The following TLN2 variants were observed in gnomAD, a reference collection of about 807,000 sequenced individuals.
The protein encoded by TLN2 is talin 2, also known as talin-2.
In TLN2, 118 loss-of-function variants were observed where a neutral mutation model predicts 294.7. The observed-to-expected ratio is 0.40, with a 90% CI of 0.34 to 0.47. The LOEUF is 0.47. Among genes scored for constraint, TLN2 ranks in the 20% least tolerant of loss-of-function variants. The pLI is 0.84. For missense variants in TLN2, 3,083 were observed against 3,282.2 expected (o/e 0.94, Z 1.48); for synonymous variants, 1,431 against 1,304.5 (o/e 1.10, Z -2.09).
At chr15:62,464,900 A>T (rs1345284484) in intron 1 of TLN2, among the ~76,000 whole-genome samples, 1 of 152,092 alleles carries the variant, frequency 6.6e-6, no homozygotes, top group East Asian at 1.9e-4. Context: ...CAGCATCTTG[A>T]TGATGATTTC....
At chr15:62,649,666 C>T (rs748290778) in intron 4 of TLN2, among the ~76,000 whole-genome samples, 1 of 152,132 alleles carries the variant, frequency 6.6e-6, no homozygotes, top group Non-Finnish European at 1.5e-5. Context: ...CATTTGTCCC[C>T]CTTTGCCTGA....
intron 1 of TLN2, among the ~76,000 whole-genome samples, chr15:62,587,129 G>C (rs2045674423): frequency 6.6e-6 from 1 of 152,156 alleles, no homozygotes; most frequent in Non-Finnish European, 1.5e-5. Flanking sequence ...GGAAATGAAT[G>C]GCAGCTGATT....
chr15:62,429,409 G>A (rs988369433), intron 1 of TLN2, among the ~76,000 whole-genome samples: 9 of 152,240 alleles, frequency 5.9e-5, no homozygotes, highest in East Asian at 1.9e-4. Context: ...TGTTAAGATC[G>A]TGTCTAGCCA....
chr15:62,703,415 G>A (rs1338444135), intron 19 of TLN2, among the ~76,000 whole-genome samples: 1 of 151,646 alleles, frequency 6.6e-6, no homozygotes, highest in East Asian at 1.9e-4. Flanking sequence ...TATTTTTTTT[G>A]TTAATGTGCT....
chr15:62,682,073 C>T (rs367765589), intron 11 of TLN2, among the ~76,000 whole-genome samples: 1 of 152,152 alleles, frequency 6.6e-6, no homozygotes, highest in Admixed American at 6.6e-5. Context: ...TTTAGATGAT[C>T]CCAGTCACTG....
At chr15:62,797,452 T>C (rs2065576788) in intron 48 of TLN2, 50 bp downstream of exon 48, 1 of 1,522,508 alleles carries the variant, frequency 6.6e-7, no homozygotes, top group Non-Finnish European at 8.7e-7. Context: ...CCGTGAACGC[T>C]GCACATCGGG....
chr15:62,662,822 G>GGTTT (rs2054021730), intron 9 of TLN2, among the ~76,000 whole-genome samples: 1 of 108,232 alleles, frequency 9.2e-6, no homozygotes, highest in African/African-American at 3.4e-5. Flanking sequence ...GATTGAGAGA[G>GGTTT]TTTTTTTTTT....
In TLN2 at chr15:62,451,705, G is replaced by C. The variant is rs371709015; in HGVS notation, c.-238+61020G>C. ...CCACAACCCTGATTACCTGGCCAGG[G>C]ATAGACCAGAACTGTGGTGAGGGAG... On this transcript the variant is annotated intron_variant, in intron 1 of 58. Coordinates refer to ENST00000636159, the MANE Select transcript of TLN2 (RefSeq NM_015059.3). Among the ~76,000 whole-genome samples the C allele has an allele frequency of 3.2e-4, 49 of 152,308 alleles. 1 individual carries two copies. Among genetic ancestry groups the C allele is most frequent in the African/African-American group, 1.2e-3 (48 of 41,576 alleles).
At chr15:62,505,855 G>A (rs2039590135) in intron 1 of TLN2, among the ~76,000 whole-genome samples, 1 of 152,160 alleles carries the variant, frequency 6.6e-6, no homozygotes, top group Admixed American at 6.5e-5. Context: ...AGGGGAAGGG[G>A]AGTGTCTGCC....
intron 16 of TLN2, among the ~76,000 whole-genome samples, chr15:62,700,466 C>T (rs1042597840): frequency 6.6e-6 from 1 of 152,032 alleles, no homozygotes; most frequent in Non-Finnish European, 1.5e-5. Context: ...ATTGAATTTC[C>T]ATGGTAGAAG....
At chr15:62,719,666 G>C in intron 24 of TLN2, 101 bp from the exon 25 acceptor site, 1 of 903,470 alleles carries the variant, frequency 1.1e-6, no homozygotes, top group South Asian at 1.9e-5. Flanking sequence ...TCCCCTGGGA[G>C]TAGATGGCAC....
At chr15:62,472,806 C>T (rs930933665) in intron 1 of TLN2, among the ~76,000 whole-genome samples, 11 of 152,218 alleles carry the variant, frequency 7.2e-5, no homozygotes, top group African/African-American at 2.2e-4. Flanking sequence ...CTTGAGCATT[C>T]GTTGAATGAG....
chr15:62,755,813 T>G, intron 37 of TLN2, 120 bp downstream of exon 37: 1 of 1,333,680 alleles, frequency 7.5e-7, no homozygotes, highest in Non-Finnish European at 1.0e-6. Context: ...TCTAATTCAG[T>G]CTTATGGTTT....
intron 1 of TLN2, among the ~76,000 whole-genome samples, chr15:62,546,119 G>C (rs889383150): frequency 2.0e-5 from 3 of 152,234 alleles, no homozygotes; most frequent in African/African-American, 7.2e-5. Flanking sequence ...GACACAGTGA[G>C]GCTGGCCTGC....
intron 2 of TLN2, among the ~76,000 whole-genome samples, chr15:62,598,084 T>C (rs909180159): frequency 6.6e-6 from 1 of 152,200 alleles, no homozygotes; most frequent in East Asian, 1.9e-4. Context: ...CCATCATTTA[T>C]TGAGGACTTG....
At chr15:62,499,489 C>G (rs2039191873) in intron 1 of TLN2, among the ~76,000 whole-genome samples, 1 of 152,148 alleles carries the variant, frequency 6.6e-6, no homozygotes, top group Non-Finnish European at 1.5e-5. Flanking sequence ...GGCTTGAAAC[C>G]AAGCCTCTTT....
chr15:62,819,599 C>A lies in TLN2; in HGVS notation c.6855C>A (p.Ile2285=). 1.2e-6 allele frequency: 2 copies of A among 1,611,908 alleles called. No individual in the cohort carries two copies. The highest frequency in any genetic ancestry group is 1.7e-6 in the Non-Finnish European group (2 of 1,179,988). Residue 2285 remains isoleucine, a synonymous_variant, in exon 53 of 59, where the codon ATC becomes ATA. Transcript: ENST00000636159. ...KRVAGAVTEL[I]QAAEAMKGTE... ...TCGCCGGCGCTGTGACAGAGCTCAT[C>A]CAGGCGGCGGAAGCCATGAAAGGTA...
At chr15:62,671,624 A>G (rs1020886825) in intron 9 of TLN2, among the ~76,000 whole-genome samples, 6 of 152,302 alleles carry the variant, frequency 3.9e-5, no homozygotes, top group Non-Finnish European at 7.3e-5. Flanking sequence ...TCTCAATTCT[A>G]TTCTATTGAC....
chr15:62,513,496 G>T (rs1282567596), intron 1 of TLN2, among the ~76,000 whole-genome samples: 1 of 152,208 alleles, frequency 6.6e-6, no homozygotes, highest in Non-Finnish European at 1.5e-5. Context: ...GTTTCGACAG[G>T]GAAATGTCTT....
Sources: allele counts gnomAD v4.1 joint callset (sites outside exome capture counted in the v4.1 genomes callset), GRCh38; gene constraint gnomAD v4.1.1; transcripts MANE v1.5; gene names NCBI Gene and HGNC (gene_info 2026-07-23, HGNC 2026-07-21).